The following YAP1 variants were observed in gnomAD, a reference collection of about 807,000 sequenced individuals.
The protein encoded by YAP1 is transcriptional coactivator YAP1.
A neutral mutation model predicts 56.9 loss-of-function variants in YAP1; 5 were observed. The ratio of observed to expected loss-of-function variants is 0.09; its 90% confidence interval spans 0.05 to 0.18. The LOEUF (loss-of-function observed/expected upper bound fraction) is 0.18. Among genes scored for constraint, YAP1 ranks in the 10% least tolerant of loss-of-function variants. The probability of loss-of-function intolerance (pLI) is 1.00; values close to 1 mark genes in which losing one functional copy is unlikely to be tolerated. For synonymous variants in YAP1, 265 were observed against 248.1 expected (o/e 1.07, Z -0.64); for missense variants, 539 against 651.8 (o/e 0.83, Z 1.88).
At chr11:102,227,650 G>A in intron 8 of YAP1, 69 bp downstream of exon 8, 1 of 1,021,970 alleles carries the variant, frequency 9.8e-7, no homozygotes. Context: ...GGTCTCATAA[G>A]GTATTGTAAG....
At chr11:102,165,293 G>A (rs1485649724) in intron 3 of YAP1, among the ~76,000 whole-genome samples, 1 of 152,144 alleles carries the variant, frequency 6.6e-6, no homozygotes, top group Non-Finnish European at 1.5e-5. Context: ...CTGGGAAATT[G>A]AGGCTACAGT....
intron 3 of YAP1, among the ~76,000 whole-genome samples, chr11:102,179,602 C>T (rs1232879868): frequency 6.6e-6 from 1 of 152,180 alleles, no homozygotes; most frequent in African/African-American, 2.4e-5. Flanking sequence ...GCATTTAGGT[C>T]AGAGCTTACA....
intron 3 of YAP1, among the ~76,000 whole-genome samples, chr11:102,172,193 CA>C (rs138976808): frequency 7.2e-6 from 1 of 139,166 alleles, no homozygotes; most frequent in African/African-American, 2.7e-5. Context: ...AACTTCTTCT[CA>C]AAAAAAAATA....
chr11:102,194,600 T>C (rs554112434), intron 4 of YAP1, among the ~76,000 whole-genome samples: 1 of 152,274 alleles, frequency 6.6e-6, no homozygotes, highest in South Asian at 2.1e-4. Flanking sequence ...TACAAATGTA[T>C]TAAGTATGGT....
In YAP1 at chr11:102,231,407, C is replaced by T. The variant is rs906419648; in HGVS notation, c.*1467C>T. ...ATTGTTCTTACTTACAAGACTTGCTCCTACTTCTATGCTGAAAATTGACCC... is the reference window on the plus strand; with the variant it reads ...ATTGTTCTTACTTACAAGACTTGCTTCTACTTCTATGCTGAAAATTGACCC... On this transcript the variant is annotated 3_prime_UTR_variant, in exon 9 of 9. Transcript: ENST00000282441. 2 of 152,336 alleles carry T rather than the reference C, an allele frequency of 1.3e-5. No homozygotes were observed. The highest frequency in any genetic ancestry group is 6.5e-5 in the Admixed American group (1 of 15,272). The allele number at this position is 152,336 out of a possible 1,614,324, so 9.4% of individuals were successfully genotyped here.
rs1006574769 is a variant in YAP1 at position 102,112,412 on chromosome 11, T to C, written c.321+1243T>C. Reference sequence around the variant, plus strand: ...TAGGGTTCTCTCTTTTTCTTTCTTTTTTATTTCTTCTTCTTTTTTTTTTTT... The same window carrying C: ...TAGGGTTCTCTCTTTTTCTTTCTTTCTTATTTCTTCTTCTTTTTTTTTTTT... On this transcript the variant is annotated intron_variant, in intron 1 of 8. Coordinates refer to ENST00000282441, the MANE Select transcript of YAP1 (RefSeq NM_001130145.3). The C allele has an allele frequency of 3.1e-6, 3 of 982,012 alleles. No homozygotes were observed. In the African/African-American group the frequency reaches 5.3e-5, roughly 17 times the overall value. 60.8% of individuals were successfully genotyped at this position (982,012 alleles called of 1,614,324 possible).
intron 6 of YAP1, among the ~76,000 whole-genome samples, chr11:102,220,873 A>G (rs972571025): frequency 2.6e-5 from 4 of 152,264 alleles, no homozygotes; most frequent in Admixed American, 6.5e-5. Flanking sequence ...CGGCATTTCA[A>G]CAATGGGTTA....
intron 4 of YAP1, among the ~76,000 whole-genome samples, chr11:102,189,966 T>A (rs1416695049): frequency 1.3e-5 from 2 of 152,232 alleles, no homozygotes; most frequent in African/African-American, 4.8e-5. Flanking sequence ...ATTTTCCTTT[T>A]GATGAAAATG....
At chr11:102,153,431 A>G (rs1945774680) in intron 2 of YAP1, among the ~76,000 whole-genome samples, 1 of 152,222 alleles carries the variant, frequency 6.6e-6, no homozygotes, top group South Asian at 2.1e-4. Flanking sequence ...TAAAAAGGAT[A>G]GCAGAGAAAT....
chr11:102,217,353 GT>G, intron 6 of YAP1, among the ~76,000 whole-genome samples: 1 of 152,224 alleles, frequency 6.6e-6, no homozygotes, highest in South Asian at 2.1e-4. Context: ...TATTTTTAAG[GT>G]TTTTTTAAAT....
intron 2 of YAP1, among the ~76,000 whole-genome samples, chr11:102,155,513 G>A (rs997869079): frequency 6.6e-6 from 1 of 152,180 alleles, no homozygotes; most frequent in African/African-American, 2.4e-5. Context: ...AACACAGAAG[G>A]TTCCTTGACT....
intron 4 of YAP1, among the ~76,000 whole-genome samples, chr11:102,192,005 CTCTGATT>C (rs1178658363): frequency 2.6e-5 from 4 of 152,156 alleles, no homozygotes; most frequent in Admixed American, 2.0e-4. Flanking sequence ...AATTTAAGAT[CTCTGATT>C]GGAACAGACT....
chr11:102,225,233 C>A (rs1950140448), intron 7 of YAP1, among the ~76,000 whole-genome samples: 1 of 151,964 alleles, frequency 6.6e-6, no homozygotes, highest in Non-Finnish European at 1.5e-5. Context: ...CCTGTAATCC[C>A]AGCACTTTGG....
At chr11:102,119,334 G>C (rs1943507272) in intron 2 of YAP1, among the ~76,000 whole-genome samples, 1 of 151,914 alleles carries the variant, frequency 6.6e-6, no homozygotes, top group African/African-American at 2.4e-5. Flanking sequence ...AAAAATAATG[G>C]AATTTTTTTA....
intron 2 of YAP1, among the ~76,000 whole-genome samples, chr11:102,147,926 T>C (rs1251077426): frequency 6.6e-6 from 1 of 152,182 alleles, no homozygotes; most frequent in Admixed American, 6.5e-5. Context: ...ATGATAGTCA[T>C]GTGAAAGGAG....
intron 2 of YAP1, among the ~76,000 whole-genome samples, chr11:102,138,980 A>G (rs1233372070): frequency 1.3e-5 from 2 of 152,150 alleles, no homozygotes; most frequent in Non-Finnish European, 2.9e-5. Flanking sequence ...CTGGAGGGTA[A>G]TTAACACATT....
chr11:102,114,088 A>AG, intron 1 of YAP1, 56 bp from the exon 2 acceptor site: 1 of 1,506,546 alleles, frequency 6.6e-7, no homozygotes, highest in Non-Finnish European at 8.9e-7. Flanking sequence ...GGAAATTTAA[A>AG]GGGACTCAGT....
intron 3 of YAP1, among the ~76,000 whole-genome samples, chr11:102,169,109 C>A (rs1457208279): frequency 6.6e-6 from 1 of 152,160 alleles, no homozygotes; most frequent in African/African-American, 2.4e-5. Context: ...TCCATGAAAT[C>A]TTGGACAAGT....
At chr11:102,195,974 C>A (rs1948552394) in intron 4 of YAP1, among the ~76,000 whole-genome samples, 1 of 152,114 alleles carries the variant, frequency 6.6e-6, no homozygotes, top group African/African-American at 2.4e-5. Context: ...AAATGCAAAC[C>A]AAAACCACAA....
Sources: gnomAD v4.1 joint callset for allele counts (sites outside exome capture counted in the v4.1 genomes callset) on GRCh38, gnomAD v4.1.1 for gene constraint, MANE v1.5 for transcripts, NCBI Gene and HGNC (gene_info 2026-07-23, HGNC 2026-07-21) for gene names.